The following ANKRD6 variants were observed in gnomAD, a reference collection of about 807,000 sequenced individuals.
The protein encoded by ANKRD6 is ankyrin repeat domain 6, also known as ankyrin repeat domain-containing protein 6.
In ANKRD6, 56 loss-of-function variants were observed where a neutral mutation model predicts 82.3. The observed-to-expected ratio is 0.68, with a 90% CI of 0.55 to 0.85. The LOEUF is 0.85. Ranked by LOEUF, ANKRD6 falls within the 40% of genes least tolerant of loss-of-function variation. The pLI, the probability that ANKRD6 is intolerant of heterozygous loss-of-function variation, is 0.00. For synonymous variants in ANKRD6, 347 were observed against 352.1 expected, an observed-to-expected ratio of 0.99 and a Z score of 0.16; for missense variants, 852 against 907.6, an observed-to-expected ratio of 0.94 and a Z score of 0.79.
chr6:89,524,388 C>T (rs140682667), intron 1 of ANKRD6, among the ~76,000 whole-genome samples: 1,774 of 152,066 alleles, frequency 0.012, 38 homozygotes, highest in African/African-American at 0.04. Context: ...TGAGAACATA[C>T]GATATTTGCT....
intron 1 of ANKRD6, among the ~76,000 whole-genome samples, chr6:89,522,331 G>A (rs1781988479): frequency 6.6e-6 from 1 of 152,194 alleles, no homozygotes; most frequent in Non-Finnish European, 1.5e-5. Context: ...TGTTGCTGGG[G>A]CTTGTGAGAT....
intron 1 of ANKRD6, among the ~76,000 whole-genome samples, chr6:89,556,764 G>A (rs1304505433): frequency 3.3e-5 from 5 of 152,100 alleles, no homozygotes; most frequent in Admixed American, 2.6e-4. Context: ...TCTATGTGGC[G>A]GGCATTGAAT....
chr6:89,571,218 AT>A (rs577423668), intron 2 of ANKRD6, among the ~76,000 whole-genome samples: 9 of 150,282 alleles, frequency 6.0e-5, no homozygotes, highest in East Asian at 1.9e-4. Context: ...TGCCTGGCTA[AT>A]TTTTTTTTTA....
chr6:89,515,852 C>G (rs983444746), intron 1 of ANKRD6, among the ~76,000 whole-genome samples: 1 of 152,142 alleles, frequency 6.6e-6, no homozygotes, highest in East Asian at 1.9e-4. Flanking sequence ...TCACATATAT[C>G]CTTATAAGAA....
At chr6:89,493,405 CT>C (rs1263964140) in intron 1 of ANKRD6, among the ~76,000 whole-genome samples, 1 of 151,860 alleles carries the variant, frequency 6.6e-6, no homozygotes, top group African/African-American at 2.4e-5. Flanking sequence ...TCTCCCTCTC[CT>C]TTTTTAATTT....
At chr6:89,525,019 G>C (rs1206746787) in intron 1 of ANKRD6, among the ~76,000 whole-genome samples, 1 of 152,010 alleles carries the variant, frequency 6.6e-6, no homozygotes, top group African/African-American at 2.4e-5. Context: ...ATTAGGCTGG[G>C]TGTGGTGGTT....
intron 1 of ANKRD6, among the ~76,000 whole-genome samples, chr6:89,539,789 G>A (rs1271930873): frequency 6.9e-6 from 1 of 144,802 alleles, no homozygotes; most frequent in Non-Finnish European, 1.5e-5. Context: ...CCTCCACCCA[G>A]CCCCCAATAA....
chr6:89,623,911 C>T lies in ANKRD6; in HGVS notation c.1072C>T (p.Gln358Ter), dbSNP rs1250735343. The T allele has an allele frequency of 6.2e-7, 1 of 1,613,866 alleles. No individual in the cohort carries two copies. Residue 358 changes from glutamine to a stop codon, truncating the protein, a stop_gained, in exon 12 of 16, where the codon CAG becomes TAG. Coordinates refer to ENST00000339746, the MANE Select transcript of ANKRD6 (RefSeq NM_001242809.2). LOFTEE classifies it high-confidence loss of function. ...FSDPTPPADQ[Q>*]PGHQKNLHAH... Reference sequence around the variant, plus strand: ...TGACCCCACCCCACCAGCCGACCAACAGCCTGGACACCAGAAGAACCTGCA... The same window carrying T: ...TGACCCCACCCCACCAGCCGACCAATAGCCTGGACACCAGAAGAACCTGCA...
At chr6:89,572,141 A>G (rs4707548) in intron 2 of ANKRD6, among the ~76,000 whole-genome samples, 77,543 of 152,008 alleles carry the variant, frequency 0.51, 20,320 homozygotes, top group South Asian at 0.72. Context: ...CTTCCGTTGT[A>G]TGGATATACT....
In ANKRD6 at chr6:89,471,516, C is replaced by CT. The variant is rs754319645; in HGVS notation, c.-144+38142dup. ...CCCAAGGACTGAGCCTGTGGATTACCTAATGTTACAGCTGGGGAGAGGAGG... is the reference window on the plus strand; with the variant it reads ...CCCAAGGACTGAGCCTGTGGATTACCTTAATGTTACAGCTGGGGAGAGGAGG... On this transcript the variant is annotated intron_variant, in intron 1 of 15. Transcript: ENST00000339746. Among the ~76,000 whole-genome samples the CT allele has an allele frequency of 9.9e-5, 15 of 151,998 alleles. No individual in the cohort carries two copies. The East Asian group carries it at 2.1e-3, about 22-fold the overall frequency.
chr6:89,527,076 C>G (rs1022858530), intron 1 of ANKRD6, among the ~76,000 whole-genome samples: 1 of 152,146 alleles, frequency 6.6e-6, no homozygotes, highest in Non-Finnish European at 1.5e-5. Context: ...CATCCCTTAC[C>G]CCAGTTGAGT....
chr6:89,452,640 T>C (rs1368938308), intron 1 of ANKRD6, among the ~76,000 whole-genome samples: 1 of 152,212 alleles, frequency 6.6e-6, no homozygotes, highest in African/African-American at 2.4e-5. Context: ...TTGAAGCCAG[T>C]GACTCTCTTT....
chr6:89,485,556 C>T (rs1281969306), intron 1 of ANKRD6, among the ~76,000 whole-genome samples: 1 of 152,200 alleles, frequency 6.6e-6, no homozygotes, highest in Non-Finnish European at 1.5e-5. Context: ...CAAAGGGCAG[C>T]TGCCTCTTCA....
At chr6:89,527,499 C>T (rs1229483473) in intron 1 of ANKRD6, among the ~76,000 whole-genome samples, 1 of 141,300 alleles carries the variant, frequency 7.1e-6, no homozygotes, top group East Asian at 2.2e-4. Flanking sequence ...GAGGCTGAGG[C>T]AGGAGAATCA....
intron 1 of ANKRD6, among the ~76,000 whole-genome samples, chr6:89,481,393 T>C (rs930018104): frequency 2.6e-5 from 4 of 152,174 alleles, no homozygotes; most frequent in African/African-American, 9.7e-5. Context: ...TATTGGAGAA[T>C]TGTAGATTTT....
intron 3 of ANKRD6, among the ~76,000 whole-genome samples, chr6:89,597,260 A>G (rs1796113355): frequency 6.6e-6 from 1 of 152,244 alleles, no homozygotes; most frequent in Non-Finnish European, 1.5e-5. Context: ...ACCTTAGGTC[A>G]TAATACTTTT....
intron 1 of ANKRD6, among the ~76,000 whole-genome samples, chr6:89,461,626 A>G (rs1321027601): frequency 6.6e-6 from 1 of 152,224 alleles, no homozygotes; most frequent in African/African-American, 2.4e-5. Flanking sequence ...GGTATCATTC[A>G]TAAAAGAAAA....
chr6:89,519,002 A>C (rs1031896086), intron 1 of ANKRD6, among the ~76,000 whole-genome samples: 20 of 152,074 alleles, frequency 1.3e-4, no homozygotes, highest in Non-Finnish European at 2.8e-4. Flanking sequence ...CTGTGCACTT[A>C]CATCTCTGAT....
rs577181856 is a variant in ANKRD6, at chr6:89,437,874, A to G, written c.-144+4499A>G. ...AGTGGTGCAATTTCAACTCACTGCA[A>G]CCTCTGCCTCCTGGGCTCAAAGCCA... is the stretch of plus-strand genomic sequence containing the variant. On this transcript the variant is annotated intron_variant, in intron 1 of 15. Coordinates refer to ENST00000339746, the MANE Select transcript of ANKRD6 (RefSeq NM_001242809.2). Among the ~76,000 whole-genome samples the G allele has an allele frequency of 2.6e-5, 4 of 152,206 alleles. No individual in the cohort carries two copies. The South Asian group carries it at 8.3e-4, about 32-fold the overall frequency.
Sources: gnomAD v4.1 joint callset for allele counts (sites outside exome capture counted in the v4.1 genomes callset) on GRCh38, gnomAD v4.1.1 for gene constraint, MANE v1.5 for transcripts, NCBI Gene and HGNC (gene_info 2026-07-23, HGNC 2026-07-21) for gene names.